The following MYOCD variants were observed in gnomAD, a reference collection of about 807,000 sequenced individuals.
MYOCD encodes myocardin.
In MYOCD, 32 loss-of-function variants were observed where a neutral mutation model predicts 96.1. The ratio of observed to expected loss-of-function variants is 0.33; its 90% CI spans 0.25 to 0.45. MYOCD has a LOEUF of 0.45. Among genes scored for constraint, MYOCD ranks in the 20% least tolerant of loss-of-function variants. The probability of loss-of-function intolerance (pLI) is 1.00; values close to 1 mark genes in which losing one functional copy is unlikely to be tolerated. For missense variants in MYOCD, 1,133 were observed against 1,200.6 expected (o/e 0.94, Z 0.83); for synonymous variants, 469 against 469.0 (o/e 1.00, Z 0.00).
chr17:12,751,336 CA>C (rs941556147), intron 9 of MYOCD, among the ~76,000 whole-genome samples: 3 of 151,550 alleles, frequency 2.0e-5, no homozygotes, highest in African/African-American at 7.3e-5. Context: ...GAAAAATAGT[CA>C]ATTCAAACTT....
intron 1 of MYOCD, among the ~76,000 whole-genome samples, chr17:12,682,819 T>C (rs951058321): frequency 2.0e-5 from 3 of 152,190 alleles, no homozygotes; most frequent in Non-Finnish European, 2.9e-5. Context: ...GATTTAAAAG[T>C]AGATCTCAAA....
intron 13 of MYOCD, 81 bp downstream of exon 13, chr17:12,760,788 A>C: frequency 1.5e-5 from 17 of 1,132,984 alleles, no homozygotes; most frequent in Non-Finnish European, 2.0e-5. Flanking sequence ...TACCAAGATC[A>C]GATGCACACT....
chr17:12,701,577 T>C (rs1181630412), intron 1 of MYOCD, among the ~76,000 whole-genome samples: 1 of 152,136 alleles, frequency 6.6e-6, no homozygotes, highest in Non-Finnish European at 1.5e-5. Context: ...TTATTTCTCC[T>C]TACTATGAGC....
intron 1 of MYOCD, among the ~76,000 whole-genome samples, chr17:12,698,729 CTTTTTTTTTTT>C (rs55758881): frequency 7.8e-5 from 5 of 64,136 alleles, no homozygotes; most frequent in South Asian, 8.9e-4. Flanking sequence ...ACCAGACCCT[CTTTTTTTTTTT>C]TTTTTTTTTT....
chr17:12,674,229 C>T (rs1293934455), intron 1 of MYOCD, among the ~76,000 whole-genome samples: 2 of 152,146 alleles, frequency 1.3e-5, no homozygotes, highest in Non-Finnish European at 2.9e-5. Flanking sequence ...TTATAACCTG[C>T]AGCTCCTTTC....
chr17:12,720,966 G>T (rs1352594648), intron 4 of MYOCD, among the ~76,000 whole-genome samples: 1 of 148,788 alleles, frequency 6.7e-6, no homozygotes, highest in Non-Finnish European at 1.5e-5. Context: ...AGCTGGCAGT[G>T]AGCCGAGATC....
rs1380340867 is a variant in MYOCD, at chr17:12,763,765, A to G, written c.*121A>G. The G allele has an allele frequency of 2.7e-5, 25 of 917,438 alleles. No homozygotes were observed. The Middle Eastern group carries it at 8.2e-4, about 30-fold the overall frequency. 56.8% of individuals were successfully genotyped at this position (917,438 alleles called of 1,614,324 possible). ...AGAAGAGAATTAAAAAGAAGCAATG[A>G]TTTCTGTGCCAATGAACAAGAACAA... On this transcript the variant is annotated 3_prime_UTR_variant, in exon 14 of 14. Transcript: ENST00000425538.
intron 1 of MYOCD, among the ~76,000 whole-genome samples, chr17:12,693,591 C>T (rs908960659): frequency 4.9e-5 from 7 of 142,108 alleles, no homozygotes; most frequent in Non-Finnish European, 7.8e-5. Context: ...GCCTGGGAGT[C>T]GCAGAGAGAC....
chr17:12,753,229 G>C lies in MYOCD; in HGVS notation c.1941G>C (p.Gln647His), dbSNP rs28730825. Reference sequence around the variant, plus strand: ...CGCTGGGGGCTGTGAAAAGCCCACAGCACATCAGTTTGCCCCCATCACCCA... The same window carrying C: ...CGCTGGGGGCTGTGAAAAGCCCACACCACATCAGTTTGCCCCCATCACCCA... ...HSPLGAVKSP[Q>H]HISLPPSPNN... Residue 647 changes from glutamine (Q) to histidine (H), a missense_variant, in exon 10 of 14, where the codon CAG (glutamine) becomes CAC (histidine). By Grantham distance (24) the Gln-to-His change is conservative (BLOSUM62 0). Transcript: ENST00000425538. 33,815 of 1,614,152 alleles carry C rather than the reference G, an allele frequency of 0.021. 467 individuals are homozygous for C. The highest frequency in any genetic ancestry group is 0.052 in the South Asian group (4,766 of 91,088).
rs536357403 is a variant in MYOCD, at chr17:12,674,327, A to C, written c.55+8084A>C. On this transcript the variant is annotated intron_variant, in intron 1 of 13. Transcript: ENST00000425538. ...CTCTTTCTGGGCTACAACTCCAGGC[A>C]TATATCCAATTACTGCTATCGTCCT... 9.2e-5 allele frequency among the ~76,000 whole-genome samples: 14 copies of C among 152,350 alleles called. No individual in the cohort carries two copies. The East Asian group carries it at 2.3e-3, about 25-fold the overall frequency.
intron 11 of MYOCD, 92 bp from the exon 12 acceptor site, chr17:12,757,993 T>G (rs1021410134): frequency 2.4e-5 from 24 of 979,826 alleles, no homozygotes; most frequent in Admixed American, 1.0e-4. Flanking sequence ...TAGATCAATT[T>G]TTCCAAAATT....
chr17:12,707,936 C>T (rs1431647590), intron 2 of MYOCD, among the ~76,000 whole-genome samples: 2 of 151,628 alleles, frequency 1.3e-5, no homozygotes, highest in African/African-American at 4.8e-5. Flanking sequence ...TTAATTGTTA[C>T]GTCTTATGCA....
Position 12,666,321 on chromosome 17 carries a change from A to G in MYOCD, c.55+78A>G, listed in dbSNP as rs1014982749. ...TCAACTCTAGAACTGCTTTCCAATA[A>G]ATGTTTCAAAGCCTGCCAGGTCTAC... is the stretch of plus-strand genomic sequence containing the variant. On this transcript the variant is annotated intron_variant, in intron 1 of 13. Coordinates refer to ENST00000425538, the MANE Select transcript of MYOCD (RefSeq NM_001146312.3). The G allele has an allele frequency of 1.6e-5, 17 of 1,081,928 alleles. No individual in the cohort carries two copies. In the Admixed American group the frequency reaches 3.1e-4, roughly 20 times the overall value. 67.0% of individuals were successfully genotyped at this position (1,081,928 alleles called of 1,614,324 possible).
At chr17:12,731,177 T>C (rs915332283) in intron 5 of MYOCD, among the ~76,000 whole-genome samples, 1 of 152,184 alleles carries the variant, frequency 6.6e-6, no homozygotes, top group South Asian at 2.1e-4. Flanking sequence ...CTGGGGAAGA[T>C]TGGAGCGGAG....
At chr17:12,694,261 C>T (rs1225697030) in intron 1 of MYOCD, among the ~76,000 whole-genome samples, 1 of 152,172 alleles carries the variant, frequency 6.6e-6, no homozygotes, top group Non-Finnish European at 1.5e-5. Context: ...CACAAAAAGG[C>T]ATCCGGGAAG....
At chr17:12,761,027 C>G (rs1460187978) in intron 13 of MYOCD, 3 of 241,854 alleles carry the variant, frequency 1.2e-5, no homozygotes, top group Non-Finnish European at 8.0e-6. Context: ...TCTCAATGCC[C>G]CTACCTTCTC....
chr17:12,675,299 T>G (rs574377618), intron 1 of MYOCD, among the ~76,000 whole-genome samples: 44 of 152,330 alleles, frequency 2.9e-4, no homozygotes, highest in Non-Finnish European at 5.1e-4. Flanking sequence ...CTATCCATAC[T>G]GTAAAGTCTT....
chr17:12,747,640 G>A (rs1487547301), intron 9 of MYOCD, among the ~76,000 whole-genome samples: 1 of 151,868 alleles, frequency 6.6e-6, no homozygotes, highest in African/African-American at 2.4e-5. Flanking sequence ...AATGAAGGAG[G>A]CATATGATGC....
chr17:12,687,133 G>T (rs985142199), intron 1 of MYOCD, among the ~76,000 whole-genome samples: 10 of 152,094 alleles, frequency 6.6e-5, no homozygotes, highest in African/African-American at 2.4e-4. Flanking sequence ...TTTGTGAGAG[G>T]TTTCGCTTTT....
Sources: allele counts gnomAD v4.1 joint callset (sites outside exome capture counted in the v4.1 genomes callset), GRCh38; gene constraint gnomAD v4.1.1; transcripts MANE v1.5; gene names NCBI Gene and HGNC (gene_info 2026-07-23, HGNC 2026-07-21).